Variants in C3orf49 observed in about 807,000 individuals in gnomAD.
The protein encoded by C3orf49 is putative uncharacterized protein C3orf49.
Under a neutral mutation model 13.3 loss-of-function variants are expected in C3orf49, and 27 were observed. That is an observed-to-expected ratio of 2.02 (90% CI 1.49 to 2.79). The LOEUF (loss-of-function observed/expected upper bound fraction) is 2.79, where lower values mean the gene tolerates loss of function less well. Ranked by LOEUF, C3orf49 falls within the 30% of genes most tolerant of loss-of-function variation. C3orf49 has a pLI of 0.00. For missense variants in C3orf49, 242 were observed against 134.2 expected, an observed-to-expected ratio of 1.80 and a Z score of -3.97; for synonymous variants, 87 against 47.6, an observed-to-expected ratio of 1.83 and a Z score of -3.40.
chr3:63,822,121 G>A (rs927171481), intron 1 of C3orf49, among the ~76,000 whole-genome samples: 1 of 151,940 alleles, frequency 6.6e-6, no homozygotes, highest in Non-Finnish European at 1.5e-5. Flanking sequence ...GACTACAGGC[G>A]CCCGCCACCA....
the C3orf49 span, among the ~76,000 whole-genome samples, chr3:63,807,857 CAAAAAAAAA>C: frequency 3.1e-5 from 1 of 32,246 alleles, no homozygotes; most frequent in Admixed American, 4.1e-4. Flanking sequence ...AACTTCATCT[CAAAAAAAAA>C]AAAAAAAAAA....
the C3orf49 span, among the ~76,000 whole-genome samples, chr3:63,794,841 G>A: frequency 1.3e-5 from 2 of 152,054 alleles, no homozygotes; most frequent in African/African-American, 4.8e-5. Context: ...GGAACCTAAG[G>A]CTGTTTCACT....
At chr3:63,845,727 T>C (rs1701877851) in intron 6 of C3orf49, among the ~76,000 whole-genome samples, 2 of 152,284 alleles carry the variant, frequency 1.3e-5, no homozygotes, top group South Asian at 4.1e-4. Flanking sequence ...GCCAAAGCCA[T>C]TTTGGCTTTG....
At chr3:63,788,869 T>A in the C3orf49 span, among the ~76,000 whole-genome samples, 2 of 152,170 alleles carry the variant, frequency 1.3e-5, no homozygotes, top group Admixed American at 6.5e-5. Flanking sequence ...ATATACTATG[T>A]CTAGTTCGGT....
chr3:63,791,135 A>C, the C3orf49 span, among the ~76,000 whole-genome samples: 10 of 152,324 alleles, frequency 6.6e-5, no homozygotes, highest in East Asian at 1.9e-3. Flanking sequence ...AAGCAGAAGC[A>C]CATTGAAATT....
chr3:63,826,702 A>G (rs1252265471), intron 2 of C3orf49: 1 of 152,234 alleles, frequency 6.6e-6, no homozygotes, highest in Non-Finnish European at 1.5e-5. Context: ...TGCACACTGC[A>G]TGAAGAACAG....
the C3orf49 span, among the ~76,000 whole-genome samples, chr3:63,786,315 T>C: frequency 2.6e-5 from 4 of 152,206 alleles, no homozygotes; most frequent in Non-Finnish European, 4.4e-5. Context: ...TTCAAGTTTC[T>C]ATTCTTGAAA....
intron 5 of C3orf49, among the ~76,000 whole-genome samples, chr3:63,832,363 A>G (rs1701546252): frequency 6.6e-6 from 1 of 152,034 alleles, no homozygotes; most frequent in Admixed American, 6.6e-5. Flanking sequence ...TCTTTTTTGA[A>G]AAACTGGTAT....
At chr3:63,788,858 G>A in the C3orf49 span, among the ~76,000 whole-genome samples, 3 of 152,130 alleles carry the variant, frequency 2.0e-5, no homozygotes, top group African/African-American at 7.2e-5. Context: ...CTCTTCTGCT[G>A]ATATACTATG....
the C3orf49 span, among the ~76,000 whole-genome samples, chr3:63,785,389 C>G: frequency 3.3e-5 from 5 of 151,956 alleles, no homozygotes; most frequent in Non-Finnish European, 5.9e-5. Context: ...GACTTCTCTT[C>G]TAAAGATGCT....
the C3orf49 span, among the ~76,000 whole-genome samples, chr3:63,795,168 C>G: frequency 2.0e-5 from 3 of 152,106 alleles, no homozygotes; most frequent in African/African-American, 7.2e-5. Flanking sequence ...CAGATGTTTG[C>G]ATAGGAATGT....
upstream of C3orf49, among the ~76,000 whole-genome samples, chr3:63,814,515 C>CTGAGA (rs1238191549): frequency 6.6e-6 from 1 of 152,140 alleles, no homozygotes; most frequent in Non-Finnish European, 1.5e-5. Context: ...ATTATGCAAT[C>CTGAGA]TCAGACATGT....
chr3:63,847,474 A>C (rs1000771606), intron 6 of C3orf49, among the ~76,000 whole-genome samples: 11 of 152,322 alleles, frequency 7.2e-5, no homozygotes, highest in African/African-American at 2.4e-4. Context: ...GCAGTGGCTC[A>C]CGCCTGTAAT....
At chr3:63,805,241 G>C in the C3orf49 span, 1 of 152,128 alleles carries the variant, frequency 6.6e-6, no homozygotes, top group Non-Finnish European at 1.5e-5. Context: ...ACATCTTAGA[G>C]GAAACACAAA....
At chr3:63,796,407 T>A in the C3orf49 span, among the ~76,000 whole-genome samples, 3 of 152,284 alleles carry the variant, frequency 2.0e-5, no homozygotes, top group Non-Finnish European at 4.4e-5. Flanking sequence ...TCCTTACCAA[T>A]GTTTAAAAGA....
intron 1 of C3orf49, among the ~76,000 whole-genome samples, chr3:63,822,209 T>A (rs1285299054): frequency 1.3e-5 from 2 of 152,160 alleles, no homozygotes; most frequent in Admixed American, 1.3e-4. Flanking sequence ...TCTCCTGACC[T>A]CGTGATCCGC....
the C3orf49 span, among the ~76,000 whole-genome samples, chr3:63,811,195 C>T: frequency 6.6e-6 from 1 of 152,134 alleles, no homozygotes; most frequent in African/African-American, 2.4e-5. Context: ...TATGCATTTC[C>T]TGTTAAAATA....
At chr3:63,817,186 G>A (rs1187215134), upstream of C3orf49, among the ~76,000 whole-genome samples, 28 of 151,964 alleles carry the variant, frequency 1.8e-4, 1 homozygote, top group Admixed American at 1.4e-3. Flanking sequence ...TCTTTTCCCC[G>A]TTCAGCATTC....
At chr3:63,844,304 T>C (rs1266951516) in intron 5 of C3orf49, among the ~76,000 whole-genome samples, 2 of 152,230 alleles carry the variant, frequency 1.3e-5, no homozygotes, top group East Asian at 1.9e-4. Flanking sequence ...AAGGTGACTA[T>C]AGTTAATGAT....
Sources: allele counts gnomAD v4.1 joint callset (sites outside exome capture counted in the v4.1 genomes callset), GRCh38; gene constraint gnomAD v4.1.1; transcripts MANE v1.5; gene names NCBI Gene and HGNC (gene_info 2026-07-23, HGNC 2026-07-21).